Variants in ZNF263 observed in about 807,000 individuals in gnomAD.
ZNF263 encodes the protein zinc finger protein 263.
A neutral mutation model predicts 63.1 loss-of-function variants in ZNF263; 49 were observed. The ratio of observed to expected loss-of-function variants is 0.78; its 90% CI spans 0.62 to 0.99. ZNF263 has a LOEUF of 0.99. Among genes scored for constraint, ZNF263 ranks in the 50% least tolerant of loss-of-function variants. The probability of loss-of-function intolerance (pLI) is 0.00; values close to 1 mark genes in which losing one functional copy is unlikely to be tolerated. For missense variants in ZNF263, 872 were observed against 854.8 expected (o/e 1.02, Z -0.25); for synonymous variants, 352 against 324.2 (o/e 1.09, Z -0.92).
intron 5 of ZNF263, among the ~76,000 whole-genome samples, 187 bp downstream of exon 5, chr16:3,288,757 T>A (rs1740136358): frequency 6.6e-6 from 1 of 152,194 alleles, no homozygotes; most frequent in African/African-American, 2.4e-5. Flanking sequence ...GCGGTTCTCC[T>A]GCCTCAGCCT....
In ZNF263 at chr16:3,300,409, C is replaced by A. The variant is rs373933321; in HGVS notation, c.*47-504C>A. ...ATATTTGGCTCCCGTTGTCCTCTTT[C>A]TCTTCTCAGCCCCTACTAATGGCAT... On this transcript the variant is annotated intron_variant, in intron 2 of 2. Transcript: ENST00000574674. The A allele has an allele frequency of 1.9e-5, 31 of 1,614,112 alleles. No homozygotes were observed. The highest frequency in any genetic ancestry group is 2.5e-5 in the Non-Finnish European group (29 of 1,180,054).
chr16:3,286,182 G>A (rs749279701), intron 4 of ZNF263, 33 bp downstream of exon 4: 15 of 1,559,544 alleles, frequency 9.6e-6, no homozygotes, highest in South Asian at 2.5e-5. Context: ...TGATGACTGC[G>A]CCATTTCTGA....
intron 2 of ZNF263, 48 bp downstream of exon 2, chr16:3,285,287 G>A (rs1313091248): frequency 1.3e-6 from 2 of 1,556,822 alleles, no homozygotes; most frequent in African/African-American, 2.7e-5. Flanking sequence ...GGGCTTGGGG[G>A]TTGCCCCCGA....
At position 3,290,741 on chromosome 16, in the gene ZNF263, C is replaced by G. The variant is rs1240894706; in HGVS notation, c.*183C>G. On this transcript the variant is annotated 3_prime_UTR_variant, in exon 6 of 6. Coordinates refer to ENST00000219069, the MANE Select transcript of ZNF263 (RefSeq NM_005741.5). ...GCATAAAACTGAAAAGGAGTTCTGTCTGCATGAGAAAGGATGGCAAGTCTC... is the reference window on the plus strand; with the variant it reads ...GCATAAAACTGAAAAGGAGTTCTGTGTGCATGAGAAAGGATGGCAAGTCTC... 3 of 1,407,882 alleles carry G rather than the reference C, an allele frequency of 2.1e-6. No individual in the cohort carries two copies. The African/African-American group carries it at 4.3e-5, about 20-fold the overall frequency. The allele number at this position is 1,407,882 out of a possible 1,614,324, so 87.2% of individuals were successfully genotyped here.
At chr16:3,295,249 C>G (rs1213727130), downstream of ZNF263, among the ~76,000 whole-genome samples, 1 of 152,176 alleles carries the variant, frequency 6.6e-6, no homozygotes, top group African/African-American at 2.4e-5. Context: ...TCGGCTCTGC[C>G]CCCAGAAGCG....
rs763399679 is a variant in ZNF263 at position 3,283,831 on chromosome 16, C to G, written c.13C>G (p.Pro5Ala). The G allele has an allele frequency of 5.7e-6, 9 of 1,574,366 alleles. No homozygotes were observed. The highest frequency in any genetic ancestry group is 5.5e-5 in the Admixed American group (3 of 54,936). ...TGGAGACCTGACGATGGCGTCGGGCCCGGGCTCCCAGGAACGGGAAGGGCT... is the reference window on the plus strand; with the variant it reads ...TGGAGACCTGACGATGGCGTCGGGCGCGGGCTCCCAGGAACGGGAAGGGCT... MASG[P>A]GSQEREGLLI... Residue 5 changes from proline (P) to alanine (A), a missense_variant, in exon 1 of 6, where the codon CCG (proline) becomes GCG (alanine). Transcript: ENST00000219069.
At chr16:3,296,903 G>T (rs1455522979) in intron 1 of ZNF263, among the ~76,000 whole-genome samples, 1 of 152,300 alleles carries the variant, frequency 6.6e-6, no homozygotes, top group African/African-American at 2.4e-5. Context: ...TTCGCAGAGG[G>T]AGTTGGTGTC....
At position 3,290,274 on chromosome 16, in the gene ZNF263, C is replaced by T. The variant is rs1289972831; in HGVS notation, c.1768C>T (p.Leu590Phe). 1.9e-6 allele frequency: 3 copies of T among 1,614,130 alleles called. No individual in the cohort carries two copies. The highest frequency in any genetic ancestry group is 1.7e-6 in the Non-Finnish European group (2 of 1,180,026). Residue 590 changes from leucine (L) to phenylalanine (F), a missense_variant, in exon 6 of 6, where the codon CTC becomes TTC. Coordinates refer to ENST00000219069, the MANE Select transcript of ZNF263 (RefSeq NM_005741.5). ...CGKSFRQGMH[L>F]TRHQRTHTGE... is the part of the protein sequence containing the mutation. ...GAAAAGCTTCCGGCAGGGCATGCACCTCACCAGACATCAGAGAACACACAC... is the reference window on the plus strand; with the variant it reads ...GAAAAGCTTCCGGCAGGGCATGCACTTCACCAGACATCAGAGAACACACAC...
intron 2 of ZNF263, chr16:3,299,513 C>A: frequency 5.2e-6 from 8 of 1,528,900 alleles, no homozygotes; most frequent in Non-Finnish European, 7.0e-6. Flanking sequence ...ATTTTGGAAA[C>A]TCCTTTATCT....
chr16:3,286,647 G>C (rs947784196), intron 4 of ZNF263: 2 of 152,694 alleles, frequency 1.3e-5, no homozygotes, highest in African/African-American at 4.8e-5. Context: ...AAGTGGGGAG[G>C]GTCTTGTGGA....
chr16:3,297,293 CA>C (rs528444112), intron 1 of ZNF263, among the ~76,000 whole-genome samples: 442 of 53,808 alleles, frequency 8.2e-3, no homozygotes, highest in African/African-American at 0.019. Flanking sequence ...GACTCCATCT[CA>C]AAAAAAAAAA....
Position 3,290,558 on chromosome 16 carries a change from G to A in ZNF263, c.2052G>A (p.Ter684=), listed in dbSNP as rs1055719991. The A allele has an allele frequency of 6.2e-7, 1 of 1,601,312 alleles. No individual in the cohort carries two copies. The highest frequency in any genetic ancestry group is 8.5e-7 in the Non-Finnish European group (1 of 1,173,394). The change falls in exon 6 of 6, where the codon TAG becomes TAA. Residue 684 remains the stop codon, a stop_retained_variant. Transcript: ENST00000219069. ...GTCATCAGAGAACTCACACAGGTTAGTAACAGTGGGGTTTCTCTTTGCCCC... is the reference window on the plus strand; with the variant it reads ...GTCATCAGAGAACTCACACAGGTTAATAACAGTGGGGTTTCTCTTTGCCCC... ...LMSHQRTHTG[*]
At chr16:3,285,576 C>G in intron 2 of ZNF263, 105 bp from the exon 3 acceptor site, 1 of 1,215,728 alleles carries the variant, frequency 8.2e-7, no homozygotes, top group Non-Finnish European at 1.2e-6. Context: ...GCGTCATTCC[C>G]AAAAGCAGAG....
downstream of ZNF263, among the ~76,000 whole-genome samples, chr16:3,293,831 TCAG>T (rs1436666049): frequency 1.3e-5 from 2 of 152,252 alleles, no homozygotes; most frequent in African/African-American, 2.4e-5. Flanking sequence ...GAAAAATCCA[TCAG>T]AAGTCACTTT....
At position 3,288,463 on chromosome 16, in the gene ZNF263, T is replaced by C; in HGVS notation, c.779T>C (p.Ile260Thr). 6.2e-7 allele frequency: 1 copy of C among 1,610,578 alleles called. No homozygotes were observed. Among genetic ancestry groups the C allele is most frequent in the Non-Finnish European group, 8.5e-7 (1 of 1,177,612 alleles). The change falls in exon 5 of 6, where the codon ATT becomes ACT. Residue 260 changes from isoleucine to threonine, a missense_variant. By Grantham distance (89) the Ile-to-Thr change is moderately conservative (BLOSUM62 -1). Coordinates refer to ENST00000219069, the MANE Select transcript of ZNF263 (RefSeq NM_005741.5). Reference sequence around the variant, plus strand: ...CTTTCATTGTGAACAGAGTCTCACATTCCCAGTCAGGAGGTCCCAGGCACC... The same window carrying C: ...CTTTCATTGTGAACAGAGTCTCACACTCCCAGTCAGGAGGTCCCAGGCACC... Reference protein sequence around the residue: ...YENVDSLESHIPSQEVPGTQV... With the variant: ...YENVDSLESHTPSQEVPGTQV...
chr16:3,283,801 C>G lies in ZNF263; in HGVS notation c.-18C>G, dbSNP rs1959237491. 6.5e-7 allele frequency: 1 copy of G among 1,533,588 alleles called. No homozygotes were observed. Among genetic ancestry groups the G allele is most frequent in the Non-Finnish European group, 8.7e-7 (1 of 1,144,324 alleles). The allele number at this position is 1,533,588 out of a possible 1,614,324, so 95.0% of individuals were successfully genotyped here. ...GGGCACGGCTGGTTTCGGGCTAAGG[C>G]GCTCTGGAGACCTGACGATGGCGTC... On this transcript the variant is annotated 5_prime_UTR_variant, in exon 1 of 6. Transcript: ENST00000219069.
At chr16:3,297,605 C>T (rs761751530) in intron 1 of ZNF263, among the ~76,000 whole-genome samples, 1 of 151,732 alleles carries the variant, frequency 6.6e-6, no homozygotes, top group Non-Finnish European at 1.5e-5. Context: ...GCTGGGACTA[C>T]AGGCGCCTGC....
intron 1 of ZNF263, among the ~76,000 whole-genome samples, chr16:3,298,127 T>C (rs577082470): frequency 7.9e-5 from 12 of 152,334 alleles, no homozygotes; most frequent in Admixed American, 5.9e-4. Context: ...AATGTGAGGT[T>C]AAGAGATTTT....
downstream of ZNF263, among the ~76,000 whole-genome samples, chr16:3,295,909 GGACACTAGCCTT>G (rs1959733961): frequency 6.6e-6 from 1 of 152,172 alleles, no homozygotes. Flanking sequence ...TGTCCCCCAG[GGACACTAGCCTT>G]GACCTGTCTT....
Sources: allele counts gnomAD v4.1 joint callset (sites outside exome capture counted in the v4.1 genomes callset), GRCh38; gene constraint gnomAD v4.1.1; transcripts MANE v1.5; gene names NCBI Gene and HGNC (gene_info 2026-07-23, HGNC 2026-07-21).